WDR5: variants seen among roughly 807,000 people sequenced by gnomAD.
The protein encoded by WDR5 is WD repeat domain 5.
For synonymous variants in WDR5, 144 were observed against 161.6 expected, an observed-to-expected ratio of 0.89 and a Z score of 0.83; for missense variants, 187 against 416.9, an observed-to-expected ratio of 0.45 and a Z score of 4.80.
intron 9 of WDR5, 40 bp from the exon 10 acceptor site, chr9:134,154,426 T>G: frequency 6.2e-7 from 1 of 1,606,386 alleles, no homozygotes; most frequent in Non-Finnish European, 8.5e-7. Context: ...TGCCTGGCTG[T>G]CAGCGCCCGC....
chr9:134,154,104 C>CT (rs1832632310), intron 9 of WDR5, among the ~76,000 whole-genome samples: 1 of 152,190 alleles, frequency 6.6e-6, no homozygotes, highest in Admixed American at 6.5e-5. Context: ...CCCCAGCCCT[C>CT]TTTGCTGCTG....
chr9:134,146,484 C>T (rs970721313), intron 7 of WDR5, among the ~76,000 whole-genome samples: 9 of 152,226 alleles, frequency 5.9e-5, no homozygotes, highest in African/African-American at 2.2e-4. Context: ...GATCCGCCCA[C>T]CTTGATTTCC....
chr9:134,139,544 T>C (rs28421319), intron 1 of WDR5, among the ~76,000 whole-genome samples: 3,038 of 152,304 alleles, frequency 0.02, 46 homozygotes, highest in Middle Eastern at 0.031. Flanking sequence ...TGCTGCATTC[T>C]TACAGACTTC....
In WDR5 at chr9:134,155,684, C is replaced by G; in HGVS notation, c.742-9C>G. 2 of 1,613,994 alleles carry G rather than the reference C, an allele frequency of 1.2e-6. No homozygotes were observed. Among genetic ancestry groups the G allele is most frequent in the South Asian group, 1.1e-5 (1 of 91,070 alleles). On this transcript the variant is annotated splice_polypyrimidine_tract_variant and intron_variant, in intron 11 of 13. Transcript: ENST00000358625. ...GACTCTGTGACCAGCCTGTCCCCTC[C>G]TGTTTCAGTGCCTGAAGACGTACAC... is the stretch of plus-strand genomic sequence containing the variant.
At chr9:134,140,286 C>T (rs1036175169) in intron 2 of WDR5, among the ~76,000 whole-genome samples, 7 of 152,182 alleles carry the variant, frequency 4.6e-5, no homozygotes, top group African/African-American at 1.2e-4. Flanking sequence ...CAAGCCCTCC[C>T]GTAGACCTTT....
At chr9:134,155,517 CCT>C in intron 11 of WDR5, 144 bp downstream of exon 11, 1 of 1,321,420 alleles carries the variant, frequency 7.6e-7, no homozygotes, top group Non-Finnish European at 1.0e-6. Context: ...TCCTGAAAGA[CCT>C]GGGTATTTGT....
At chr9:134,140,090 C>T (rs1231814544) in intron 2 of WDR5, 132 bp downstream of exon 2, 13 of 1,075,306 alleles carry the variant, frequency 1.2e-5, no homozygotes, top group South Asian at 5.9e-5. Context: ...ATTTACTGAC[C>T]GCATATCTGG....
chr9:134,145,520 C>T (rs528181518), intron 7 of WDR5, among the ~76,000 whole-genome samples: 72 of 152,340 alleles, frequency 4.7e-4, no homozygotes, highest in African/African-American at 1.7e-3. Context: ...CTCACTTTGA[C>T]AAAAAGGAGT....
rs1831918017 is a variant in WDR5, at chr9:134,142,050, T to G, written c.354+12T>G. Reference sequence around the variant, plus strand: ...GGGACGTGAGCTCGGTAAGTGACACTCAGTGCTTCTCTCCAGGGGAGACCG... The same window carrying G: ...GGGACGTGAGCTCGGTAAGTGACACGCAGTGCTTCTCTCCAGGGGAGACCG... On this transcript the variant is annotated intron_variant, in intron 5 of 13. Coordinates refer to ENST00000358625, the MANE Select transcript of WDR5 (RefSeq NM_017588.3). The G allele has an allele frequency of 6.2e-7, 1 of 1,612,558 alleles. No individual in the cohort carries two copies. The highest frequency in any genetic ancestry group is 8.5e-7 in the Non-Finnish European group (1 of 1,178,934).
chr9:134,154,377 G>C, intron 9 of WDR5, 89 bp from the exon 10 acceptor site: 2 of 1,355,104 alleles, frequency 1.5e-6, no homozygotes, highest in Non-Finnish European at 2.1e-6. Context: ...CTCAGATGTC[G>C]CACGTGGGGG....
rs1333119103 is a variant in WDR5, at chr9:134,157,865, C to T, written c.905-28C>T. 5 of 1,611,422 alleles carry T rather than the reference C, an allele frequency of 3.1e-6. No individual in the cohort carries two copies. Among genetic ancestry groups the T allele is most frequent in the Non-Finnish European group, 4.2e-6 (5 of 1,177,722 alleles). On this transcript the variant is annotated intron_variant, in intron 13 of 13. Coordinates refer to ENST00000358625, the MANE Select transcript of WDR5 (RefSeq NM_017588.3). The surrounding 1 kb of genome is among the most constrained non-coding windows in gnomAD (Gnocchi z 5.0). ...CCCCGACCCAGGCGCAGGGATGGCT[C>T]TGGTTCTGACTGTGTCTTTGTTTTC...
At chr9:134,138,319 G>C (rs35962164) in intron 1 of WDR5, among the ~76,000 whole-genome samples, 2,991 of 139,326 alleles carry the variant, frequency 0.021, 45 homozygotes, top group Middle Eastern at 0.033. Context: ...CATGGGCACA[G>C]TTCACTCAGC....
At chr9:134,140,097 C>A in intron 2 of WDR5, 139 bp downstream of exon 2, 1 of 998,198 alleles carries the variant, frequency 1.0e-6, no homozygotes. Context: ...GACCGCATAT[C>A]TGGCGAATGC....
upstream of WDR5, chr9:134,135,447 T>C (rs1831493142): frequency 1.3e-5 from 2 of 152,180 alleles, no homozygotes; most frequent in Admixed American, 1.3e-4. Context: ...AGCAGGTTCG[T>C]GCACCGCGGG....
chr9:134,155,792 C>G (rs1446122130), intron 12 of WDR5, 25 bp downstream of exon 12: 3 of 1,609,244 alleles, frequency 1.9e-6, no homozygotes, highest in Non-Finnish European at 2.6e-6. Context: ...CTTGAAGCGT[C>G]TCACCTGTTC....
intron 7 of WDR5, among the ~76,000 whole-genome samples, chr9:134,146,419 A>G (rs1832204518): frequency 6.6e-6 from 1 of 152,048 alleles, no homozygotes; most frequent in Non-Finnish European, 1.5e-5. Flanking sequence ...ATTTTTTTGT[A>G]GAGACAAGGT....
intron 9 of WDR5, among the ~76,000 whole-genome samples, chr9:134,152,840 T>G (rs1393534955): frequency 6.6e-6 from 1 of 152,180 alleles, no homozygotes; most frequent in African/African-American, 2.4e-5. Flanking sequence ...GAGGCTGTGG[T>G]CAGGATTGAG....
intron 7 of WDR5, among the ~76,000 whole-genome samples, chr9:134,146,862 C>A (rs372352832): frequency 6.6e-6 from 1 of 152,194 alleles, no homozygotes; most frequent in East Asian, 1.9e-4. Context: ...GAGAGGCTGC[C>A]GGCCAGATGG....
intron 2 of WDR5, 45 bp downstream of exon 2, chr9:134,140,003 G>T (rs752825921): frequency 1.2e-6 from 2 of 1,602,634 alleles, no homozygotes; most frequent in South Asian, 1.1e-5. Flanking sequence ...GGGCAAATAC[G>T]CTTAGAGAGT....
Sources: gnomAD v4.1 joint callset for allele counts (sites outside exome capture counted in the v4.1 genomes callset) on GRCh38, gnomAD v4.1.1 for gene constraint, Gnocchi (gnomAD v3.1) non-coding constraint, MANE v1.5 for transcripts, NCBI Gene and HGNC (gene_info 2026-07-23, HGNC 2026-07-21) for gene names.